Variants in EXOC4 observed in about 807,000 individuals in gnomAD.
EXOC4 encodes the protein SEC8-like 1.
A neutral mutation model predicts 107.2 loss-of-function variants in EXOC4; 71 were observed. The ratio of observed to expected loss-of-function variants is 0.66; its 90% CI spans 0.55 to 0.81. The LOEUF is 0.81. Among genes scored for constraint, EXOC4 ranks in the 30% least tolerant of loss-of-function variants. The pLI is 0.00. For missense variants in EXOC4, 1,108 were observed against 1,189.6 expected (o/e 0.93, Z 1.01); for synonymous variants, 456 against 441.2 (o/e 1.03, Z -0.42).
At chr7:133,444,948 G>A (rs1394499132) in intron 7 of EXOC4, among the ~76,000 whole-genome samples, 1 of 152,058 alleles carries the variant, frequency 6.6e-6, no homozygotes, top group Non-Finnish European at 1.5e-5. Context: ...ATGTATATTT[G>A]CCTAGAGATT....
intron 17 of EXOC4, among the ~76,000 whole-genome samples, chr7:134,038,947 A>T (rs542228962): frequency 6.6e-6 from 1 of 152,296 alleles, no homozygotes; most frequent in Admixed American, 6.5e-5. Context: ...AGAGATACCC[A>T]TGTGTGTCTA....
intron 9 of EXOC4, among the ~76,000 whole-genome samples, chr7:133,623,019 A>G (rs902445053): frequency 1.6e-4 from 25 of 152,118 alleles, no homozygotes; most frequent in Non-Finnish European, 2.4e-4. Flanking sequence ...TATGGTAGAT[A>G]ATAATATTAT....
intron 7 of EXOC4, among the ~76,000 whole-genome samples, chr7:133,395,012 T>C (rs1048623497): frequency 3.3e-5 from 5 of 152,084 alleles, no homozygotes; most frequent in Non-Finnish European, 7.4e-5. Flanking sequence ...GAGCCTCAAT[T>C]TGAAGATCAC....
At chr7:133,728,640 A>G (rs1795264642) in intron 10 of EXOC4, among the ~76,000 whole-genome samples, 1 of 152,196 alleles carries the variant, frequency 6.6e-6, no homozygotes, top group Non-Finnish European at 1.5e-5. Context: ...CCACTATAAC[A>G]TGATGTAAAA....
At chr7:133,644,888 C>T (rs757257217) in intron 10 of EXOC4, among the ~76,000 whole-genome samples, 55 of 152,052 alleles carry the variant, frequency 3.6e-4, no homozygotes, top group Admixed American at 1.5e-3. Flanking sequence ...AGCATCATTT[C>T]CTTCATTTTT....
At chr7:133,304,609 G>A (rs1235182807) in intron 3 of EXOC4, among the ~76,000 whole-genome samples, 1 of 152,086 alleles carries the variant, frequency 6.6e-6, no homozygotes, top group Non-Finnish European at 1.5e-5. Flanking sequence ...TTTATATTTG[G>A]CAGCTACAAA....
intron 9 of EXOC4, among the ~76,000 whole-genome samples, chr7:133,530,825 T>A (rs991522448): frequency 6.6e-6 from 1 of 152,176 alleles, no homozygotes; most frequent in Non-Finnish European, 1.5e-5. Flanking sequence ...TTCAACTTTG[T>A]CAAAGGGAAT....
At chr7:133,305,755 T>G in intron 3 of EXOC4, 122 bp from the exon 4 acceptor site, 1 of 764,814 alleles carries the variant, frequency 1.3e-6, no homozygotes, top group Non-Finnish European at 2.0e-6. Flanking sequence ...AAGTCTTTTA[T>G]ATGCTGATAA....
At chr7:133,556,837 A>G (rs951620015) in intron 9 of EXOC4, among the ~76,000 whole-genome samples, 1 of 152,118 alleles carries the variant, frequency 6.6e-6, no homozygotes, top group African/African-American at 2.4e-5. Context: ...CTGTACTTAG[A>G]TGTAGGTATG....
chr7:133,913,634 TAG>T (rs371724172), intron 12 of EXOC4, among the ~76,000 whole-genome samples: 206 of 149,366 alleles, frequency 1.4e-3, no homozygotes, highest in Admixed American at 1.4e-3. Context: ...TGCTCAGTGG[TAG>T]AGAGAGAGAG....
At chr7:133,808,696 G>A (rs532433507) in intron 10 of EXOC4, among the ~76,000 whole-genome samples, 2 of 152,068 alleles carry the variant, frequency 1.3e-5, no homozygotes, top group Non-Finnish European at 2.9e-5. Flanking sequence ...TATAGCTAAC[G>A]GGTCATAGTT....
intron 10 of EXOC4, among the ~76,000 whole-genome samples, chr7:133,795,007 G>T (rs1184567334): frequency 6.7e-6 from 1 of 150,066 alleles, no homozygotes; most frequent in African/African-American, 2.5e-5. Context: ...ACAATGGATA[G>T]TTTTCAAAGC....
chr7:133,514,452 G>A (rs1401955608), intron 9 of EXOC4, among the ~76,000 whole-genome samples: 2 of 152,096 alleles, frequency 1.3e-5, no homozygotes, highest in Non-Finnish European at 2.9e-5. Flanking sequence ...GTGAGCCACT[G>A]TGCACGGCCT....
intron 11 of EXOC4, among the ~76,000 whole-genome samples, chr7:133,818,961 T>C (rs1396571785): frequency 6.6e-6 from 1 of 152,074 alleles, no homozygotes; most frequent in Non-Finnish European, 1.5e-5. Context: ...GCAGCACAAG[T>C]AGAAGATTGG....
intron 10 of EXOC4, among the ~76,000 whole-genome samples, chr7:133,724,176 G>C (rs1308843102): frequency 6.6e-6 from 1 of 152,184 alleles, no homozygotes; most frequent in Non-Finnish European, 1.5e-5. Flanking sequence ...TAGGCCTTGA[G>C]TTGCTAGGTC....
chr7:133,374,790 C>T (rs372570816), intron 6 of EXOC4, 38 bp from the exon 7 acceptor site: 38 of 1,562,846 alleles, frequency 2.4e-5, no homozygotes, highest in Admixed American at 1.9e-4. Context: ...TCTGCGTGTA[C>T]GTATGTGTAA....
rs115997813 is a variant in EXOC4, at chr7:133,872,925, A to G, written c.1735-22674A>G. On this transcript the variant is annotated intron_variant, in intron 11 of 17. Coordinates refer to ENST00000253861, the MANE Select transcript of EXOC4 (RefSeq NM_021807.4). ...TGTTTTCTTTCCTCTGCTTTTTAAA[A>G]CATATGACCCTATCTCTGTTCTCCT... Among the ~76,000 whole-genome samples, 365 of 152,372 alleles carry G rather than the reference A, an allele frequency of 2.4e-3. 5 individuals are homozygous for G. The highest frequency in any genetic ancestry group is 8.2e-3 in the African/African-American group (341 of 41,584).
At chr7:133,804,054 A>G (rs1470473461) in intron 10 of EXOC4, among the ~76,000 whole-genome samples, 1 of 152,202 alleles carries the variant, frequency 6.6e-6, no homozygotes, top group African/African-American at 2.4e-5. Context: ...AGATGACCCA[A>G]AGTGAGACTC....
intron 9 of EXOC4, among the ~76,000 whole-genome samples, chr7:133,537,390 C>A (rs1222981677): frequency 4.0e-5 from 6 of 151,280 alleles, no homozygotes; most frequent in Non-Finnish European, 8.8e-5. Flanking sequence ...AACTCCTGAC[C>A]TCAAGTCATC....
Sources: gnomAD v4.1 joint callset for allele counts (sites outside exome capture counted in the v4.1 genomes callset) on GRCh38, gnomAD v4.1.1 for gene constraint, MANE v1.5 for transcripts, NCBI Gene and HGNC (gene_info 2026-07-23, HGNC 2026-07-21) for gene names.